ZNF680: variants seen among roughly 807,000 people sequenced by gnomAD.
ZNF680 encodes zinc finger protein 680.
Under a neutral mutation model 12.1 loss-of-function variants are expected in ZNF680, and 6 were observed. That is an observed-to-expected ratio of 0.49 (90% confidence interval 0.27 to 0.98). ZNF680 has a LOEUF of 0.98. ZNF680 is among the 50% of genes least tolerant of loss of function. The pLI is 0.12. For synonymous variants in ZNF680, 170 were observed against 199.3 expected (o/e 0.85, Z 1.24); for missense variants, 561 against 616.3 (o/e 0.91, Z 0.95).
intron 3 of ZNF680, among the ~76,000 whole-genome samples, chr7:64,543,122 T>C (rs1786595646): frequency 6.6e-6 from 1 of 152,110 alleles, no homozygotes; most frequent in Non-Finnish European, 1.5e-5. Context: ...CCAGTGGCAT[T>C]TTTTTACAGC....
chr7:64,505,433 A>T, the ZNF680 span, among the ~76,000 whole-genome samples: 1 of 152,330 alleles, frequency 6.6e-6, no homozygotes, highest in African/African-American at 2.4e-5. Context: ...AACTATTTAA[A>T]TAATTAGGTA....
At chr7:64,502,019 TC>T in the ZNF680 span, among the ~76,000 whole-genome samples, 3,339 of 79,616 alleles carry the variant, frequency 0.042, 250 homozygotes, top group East Asian at 0.2. Context: ...TTTTTTTTTT[TC>T]CTGAGATGGA....
At chr7:64,505,623 G>C in the ZNF680 span, among the ~76,000 whole-genome samples, 1 of 152,102 alleles carries the variant, frequency 6.6e-6, no homozygotes, top group East Asian at 1.9e-4. Flanking sequence ...ATTCACTACG[G>C]CTTTCTAAAT....
chr7:64,509,116 G>T, the ZNF680 span, among the ~76,000 whole-genome samples: 3 of 152,060 alleles, frequency 2.0e-5, no homozygotes, highest in African/African-American at 7.2e-5. Flanking sequence ...TCTTATGCTG[G>T]GGGGCATACT....
At chr7:64,515,361 C>G (rs1223322268), downstream of ZNF680, among the ~76,000 whole-genome samples, 1 of 151,954 alleles carries the variant, frequency 6.6e-6, no homozygotes, top group African/African-American at 2.4e-5. Flanking sequence ...ATCCTAGCTA[C>G]TGTTCCCTAC....
At chr7:64,506,467 C>T in the ZNF680 span, among the ~76,000 whole-genome samples, 5 of 152,138 alleles carry the variant, frequency 3.3e-5, no homozygotes, top group Admixed American at 6.5e-5. Flanking sequence ...GGATTACAGG[C>T]GTGAGCCACC....
rs191205024 is a variant in ZNF680 at position 64,534,788 on chromosome 7, A to G, written c.253+8919T>C. On this transcript the variant is annotated intron_variant, in intron 3 of 3. Transcript: ENST00000309683. ...AATGCCCATCAATCAACAATGGGAT[A>G]AAGAAACTGTGGTATATATATAGGA... is the stretch of plus-strand genomic sequence containing the variant. Among the ~76,000 whole-genome samples, 322 of 152,354 alleles carry G rather than the reference A, an allele frequency of 2.1e-3. 3 individuals are homozygous for G. The highest frequency in any genetic ancestry group is 7.4e-3 in the African/African-American group (307 of 41,600).
chr7:64,546,846 T>C (rs773640570), intron 1 of ZNF680, among the ~76,000 whole-genome samples: 1 of 152,088 alleles, frequency 6.6e-6, no homozygotes, highest in Non-Finnish European at 1.5e-5. Context: ...CTGACCTGTC[T>C]CTACCAAACC....
At chr7:64,510,326 A>C in the ZNF680 span, among the ~76,000 whole-genome samples, 2 of 152,186 alleles carry the variant, frequency 1.3e-5, no homozygotes, top group African/African-American at 4.8e-5. Context: ...CTAAATCAAA[A>C]ACCAAATAAC....
chr7:64,544,105 A>G, intron 2 of ZNF680: 2 of 708,078 alleles, frequency 2.8e-6, no homozygotes, highest in South Asian at 4.0e-5. Context: ...GACATAGATC[A>G]GCTCAGGAAT....
intron 3 of ZNF680, among the ~76,000 whole-genome samples, chr7:64,533,599 A>G (rs1158246069): frequency 6.6e-6 from 1 of 152,214 alleles, no homozygotes; most frequent in East Asian, 1.9e-4. Context: ...TGCAAAAAGC[A>G]ATAAACAAAC....
At chr7:64,532,984 ACT>A (rs1785967550) in intron 3 of ZNF680, among the ~76,000 whole-genome samples, 1 of 152,162 alleles carries the variant, frequency 6.6e-6, no homozygotes, top group Non-Finnish European at 1.5e-5. Flanking sequence ...TATGATTAAA[ACT>A]CTCAGCAAAA....
At chr7:64,502,306 C>T in the ZNF680 span, among the ~76,000 whole-genome samples, 1 of 152,050 alleles carries the variant, frequency 6.6e-6, no homozygotes, top group Non-Finnish European at 1.5e-5. Flanking sequence ...CCACCTTGCC[C>T]GGCCGGATTT....
intron 1 of ZNF680, 54 bp from the exon 2 acceptor site, chr7:64,544,486 A>G: frequency 6.4e-7 from 1 of 1,565,416 alleles, no homozygotes; most frequent in Non-Finnish European, 8.7e-7. Context: ...ATATTTACTA[A>G]ATGACCATGG....
intron 3 of ZNF680, among the ~76,000 whole-genome samples, chr7:64,542,827 T>C (rs1331335198): frequency 6.6e-6 from 1 of 152,126 alleles, no homozygotes; most frequent in Non-Finnish European, 1.5e-5. Context: ...GCCTTTTGGG[T>C]AGCTGGGATT....
chr7:64,540,272 CTGAT>C lies in ZNF680; in HGVS notation c.253+3431_253+3434del, dbSNP rs1362352400. Among the ~76,000 whole-genome samples, 3 of 149,744 alleles carry C rather than the reference CTGAT, an allele frequency of 2.0e-5. No homozygotes were observed. In the Admixed American group the frequency reaches 2.0e-4, roughly 10 times the overall value. On this transcript the variant is annotated intron_variant, in intron 3 of 3. Transcript: ENST00000309683. Reference sequence around the variant, plus strand: ...AGATAAAAGCACACACATATACAAACTGATTGTGATAGACATATGGCTGATTTAT... The same window carrying C: ...AGATAAAAGCACACACATATACAAACTGTGATAGACATATGGCTGATTTAT...
chr7:64,544,005 A>G, intron 2 of ZNF680: 1 of 607,220 alleles, frequency 1.6e-6, no homozygotes, highest in Non-Finnish European at 2.7e-6. Flanking sequence ...TACTGAATCA[A>G]AAATTGGTGG....
At chr7:64,507,824 AACACACACACACACACACACACAC>A in the ZNF680 span, among the ~76,000 whole-genome samples, 424 of 136,518 alleles carry the variant, frequency 3.1e-3, 4 homozygotes, top group African/African-American at 4.5e-3. Context: ...AATTCCAGGA[AACACACACACACACACACACACAC>A]ACACACACAC....
At chr7:64,527,215 G>A (rs1329804380) in intron 3 of ZNF680, among the ~76,000 whole-genome samples, 1 of 151,980 alleles carries the variant, frequency 6.6e-6, no homozygotes, top group Non-Finnish European at 1.5e-5. Flanking sequence ...TCCAGCCTGG[G>A]CAATAAGAGC....
Sources: allele counts gnomAD v4.1 joint callset (sites outside exome capture counted in the v4.1 genomes callset), GRCh38; gene constraint gnomAD v4.1.1; transcripts MANE v1.5; gene names NCBI Gene and HGNC (gene_info 2026-07-23, HGNC 2026-07-21).